SRGAP2C: variants seen among roughly 807,000 people sequenced by gnomAD.
SRGAP2C encodes SLIT-ROBO Rho GTPase activating protein 2C, also known as SLIT-ROBO Rho GTPase-activating protein 2C.
In SRGAP2C, 15 loss-of-function variants were observed where a neutral mutation model predicts 25.1. The ratio of observed to expected loss-of-function variants is 0.60; its 90% CI spans 0.40 to 0.92. The LOEUF is 0.92. Ranked by LOEUF, SRGAP2C falls within the 40% of genes least tolerant of loss-of-function variation. The pLI, the probability that SRGAP2C is intolerant of heterozygous loss-of-function variation, is 0.00. For missense variants in SRGAP2C, 144 were observed against 264.4 expected (o/e 0.54, Z 3.16); for synonymous variants, 44 against 96.6 (o/e 0.46, Z 3.19).
rs2101691361 is a variant in SRGAP2C at position 121,392,144 on chromosome 1, A to G, written c.*4289A>G. ...AAAATGGAAAATACTGTCTCTGAGAAACAGAAAGAATAAAAAATAAACAAT... is the reference window on the plus strand; with the variant it reads ...AAAATGGAAAATACTGTCTCTGAGAGACAGAAAGAATAAAAAATAAACAAT... On this transcript the variant is annotated 3_prime_UTR_variant, in exon 10 of 10. Coordinates refer to ENST00000367123, the MANE Select transcript of SRGAP2C (RefSeq NM_001329984.2). The G allele has an allele frequency of 6.6e-6, 1 of 152,354 alleles. No homozygotes were observed. Among genetic ancestry groups the G allele is most frequent in the Non-Finnish European group, 1.5e-5 (1 of 68,022 alleles). 9.4% of individuals were successfully genotyped at this position (152,354 alleles called of 1,614,324 possible).
Position 121,185,044 on chromosome 1 carries a change from C to T in SRGAP2C, c.-623C>T. Reference sequence around the variant, plus strand: ...ACTGGGGCACCGATCTGCGTAGAAACGGGTGGCGGGGAAGAGAGGGGAGGA... The same window carrying T: ...ACTGGGGCACCGATCTGCGTAGAAATGGGTGGCGGGGAAGAGAGGGGAGGA... On this transcript the variant is annotated 5_prime_UTR_variant, in exon 1 of 10. The change creates a new upstream start codon in the 5' untranslated region. Coordinates refer to ENST00000367123, the MANE Select transcript of SRGAP2C (RefSeq NM_001329984.2). The T allele has an allele frequency of 1.9e-6, 1 of 514,264 alleles. No individual in the cohort carries two copies. The highest frequency in any genetic ancestry group is 2.8e-5 in the South Asian group (1 of 35,902). The allele number at this position is 514,264 out of a possible 1,614,324, so 31.9% of individuals were successfully genotyped here.
rs587657436 is a variant in SRGAP2C at position 121,260,193 on chromosome 1, A to AG, written c.68-24607dup. ...CAGGTTGCATTTTAAAATAAGGGGT[A>AG]GGGAGCTTTTAGATGAGGCCTCATG... On this transcript the variant is annotated intron_variant, in intron 2 of 9. Transcript: ENST00000367123. Among the ~76,000 whole-genome samples the AG allele has an allele frequency of 2.1e-3, 306 of 149,264 alleles. 12 individuals carry two copies. The East Asian group carries it at 0.057, about 28-fold the overall frequency.
intron 3 of SRGAP2C, among the ~76,000 whole-genome samples, chr1:121,322,466 T>C (rs1658231343): frequency 1.2e-5 from 1 of 86,734 alleles, no homozygotes; most frequent in Admixed American, 1.4e-4. Context: ...AAATTAATTA[T>C]GTGTCTCTCT....
chr1:121,217,885 C>T (rs1166895658), intron 2 of SRGAP2C, among the ~76,000 whole-genome samples: 1 of 151,574 alleles, frequency 6.6e-6, no homozygotes, highest in Non-Finnish European at 1.5e-5. Flanking sequence ...TACCTTTTCT[C>T]AACACCTGCG....
chr1:121,289,160 T>C (rs1315856688), intron 3 of SRGAP2C, among the ~76,000 whole-genome samples: 4 of 148,232 alleles, frequency 2.7e-5, no homozygotes, highest in Non-Finnish European at 3.0e-5. Flanking sequence ...CAGGGGGTGG[T>C]GCTCGTCGGG....
At chr1:121,284,770 C>G (rs1657321412) in intron 2 of SRGAP2C, 33 bp from the exon 3 acceptor site, 1 of 548,258 alleles carries the variant, frequency 1.8e-6, no homozygotes, top group Non-Finnish European at 3.0e-6. Context: ...TTAGGGCTGT[C>G]TTTCTGACTG....
intron 2 of SRGAP2C, among the ~76,000 whole-genome samples, chr1:121,265,138 G>T (rs1179116720): frequency 7.7e-6 from 1 of 130,070 alleles, no homozygotes; most frequent in Non-Finnish European, 1.6e-5. Context: ...GGCAGAGGCC[G>T]CAGTGAGCCG....
chr1:121,249,571 TATATATA>T (rs1656300919), intron 2 of SRGAP2C, among the ~76,000 whole-genome samples: 1 of 23,884 alleles, frequency 4.2e-5, no homozygotes, highest in Non-Finnish European at 7.9e-5. Context: ...TATATATATA[TATATATA>T]TATTTTTTTT....
rs1238095772 is a variant in SRGAP2C, at chr1:121,335,340, CAAAA to C, written c.423+10703_423+10706del. On this transcript the variant is annotated intron_variant, in intron 4 of 9. Coordinates refer to ENST00000367123, the MANE Select transcript of SRGAP2C (RefSeq NM_001329984.2). ...TGGGAGACAGAGCAAGACTCCATCT[CAAAA>C]AATAAATAAATAAATAAATAAATAA... Among the ~76,000 whole-genome samples the C allele has an allele frequency of 4.8e-3, 565 of 118,164 alleles. 6 individuals carry two copies. The highest frequency in any genetic ancestry group is 0.018 in the African/African-American group (525 of 29,686). 77.5% of individuals were successfully genotyped at this position (118,164 alleles called of 152,430 possible). A position where few individuals can be genotyped will look rare whatever the true frequency, so the allele number is the denominator to read the frequency against.
chr1:121,202,086 C>T (rs1469840358), intron 2 of SRGAP2C, among the ~76,000 whole-genome samples: 3 of 152,176 alleles, frequency 2.0e-5, no homozygotes, highest in Non-Finnish European at 4.4e-5. Context: ...CGCAGCCCAC[C>T]TTCCCATCTT....
chr1:121,269,966 T>TAAA (rs1656901551), intron 2 of SRGAP2C, among the ~76,000 whole-genome samples: 2 of 151,734 alleles, frequency 1.3e-5, no homozygotes, highest in Non-Finnish European at 2.9e-5. Flanking sequence ...TTGTTTCTTT[T>TAAA]TTTGCCTTGG....
At chr1:121,346,793 G>A (rs1658755742) in intron 4 of SRGAP2C, among the ~76,000 whole-genome samples, 1 of 151,608 alleles carries the variant, frequency 6.6e-6, no homozygotes, top group Non-Finnish European at 1.5e-5. Flanking sequence ...GGAAGGAATA[G>A]TTACATGTCC....
intron 2 of SRGAP2C, among the ~76,000 whole-genome samples, chr1:121,198,233 G>T (rs1654886396): frequency 1.4e-5 from 2 of 144,300 alleles, no homozygotes; most frequent in East Asian, 4.0e-4. Context: ...CTCCATTTTG[G>T]TGTATATTTT....
intron 4 of SRGAP2C, among the ~76,000 whole-genome samples, chr1:121,351,567 GCCACTGCACT>G (rs1347785288): frequency 7.1e-6 from 1 of 141,228 alleles, no homozygotes; most frequent in East Asian, 2.1e-4. Flanking sequence ...CAGAGATCGC[GCCACTGCACT>G]CCAGCCTGGG....
At chr1:121,343,338 A>G (rs1436620414) in intron 4 of SRGAP2C, among the ~76,000 whole-genome samples, 1 of 152,184 alleles carries the variant, frequency 6.6e-6, no homozygotes, top group Non-Finnish European at 1.5e-5. Context: ...AAGAGTGGGA[A>G]ATAGTGGGAA....
At chr1:121,309,248 G>T (rs1657921388) in intron 3 of SRGAP2C, among the ~76,000 whole-genome samples, 1 of 112,352 alleles carries the variant, frequency 8.9e-6, no homozygotes, top group South Asian at 3.2e-4. Context: ...GGCAGGGCAG[G>T]TCTGCTGTCC....
At chr1:121,212,594 C>T (rs1264478073) in intron 2 of SRGAP2C, among the ~76,000 whole-genome samples, 2 of 151,756 alleles carry the variant, frequency 1.3e-5, no homozygotes, top group Non-Finnish European at 2.9e-5. Flanking sequence ...ATAAGACCCA[C>T]TACTCTGCAG....
At chr1:121,271,379 G>A (rs1302603405) in intron 2 of SRGAP2C, among the ~76,000 whole-genome samples, 1 of 149,092 alleles carries the variant, frequency 6.7e-6, no homozygotes, top group African/African-American at 2.5e-5. Flanking sequence ...TACATAGGAA[G>A]TGCCCACTGG....
At chr1:121,198,880 T>C (rs1349877993) in intron 2 of SRGAP2C, among the ~76,000 whole-genome samples, 2 of 151,792 alleles carry the variant, frequency 1.3e-5, no homozygotes, top group East Asian at 2.0e-4. Context: ...AAGTGCTGGA[T>C]TGGGAGGCAG....
Sources: gnomAD v4.1 joint callset for allele counts (sites outside exome capture counted in the v4.1 genomes callset) on GRCh38, gnomAD v4.1.1 for gene constraint, MANE v1.5 for transcripts, NCBI Gene and HGNC (gene_info 2026-07-23, HGNC 2026-07-21) for gene names.